MSN: variants seen among roughly 807,000 people sequenced by gnomAD.
The protein encoded by MSN is epididymis luminal protein 70.
In MSN, 2 loss-of-function variants were observed where a neutral mutation model predicts 48.0. The ratio of observed to expected loss-of-function variants is 0.04; its 90% confidence interval spans 0.02 to 0.13. MSN has a LOEUF of 0.13. Ranked by LOEUF, MSN falls within the 10% of genes least tolerant of loss-of-function variation. The pLI is 1.00. For missense variants in MSN, 267 were observed against 470.1 expected, an observed-to-expected ratio of 0.57 and a Z score of 3.99; for synonymous variants, 146 against 166.9, an observed-to-expected ratio of 0.87 and a Z score of 0.97.
rs866624217 is a variant in MSN at position 65,615,192 on chromosome X, T to A, written c.-22+26580T>A. Among the ~76,000 whole-genome samples the A allele has an allele frequency of 2.7e-3, 297 of 110,284 alleles. 2 individuals are homozygous for A. Among genetic ancestry groups the A allele is most frequent in the Middle Eastern group, 0.019 (4 of 216 alleles). ...GTGTGCATGTGTCTTTATAGCAGCA[T>A]GATTTATAGTCCTTTGGGTATATAC... is the stretch of plus-strand genomic sequence containing the variant. On this transcript the variant is annotated intron_variant, in intron 1 of 3. Coordinates refer to the MSN transcript ENST00000609672.
At chrX:65,626,130 A>G (rs1357771553) in intron 1 of MSN, among the ~76,000 whole-genome samples, 2 of 109,438 alleles carry the variant, frequency 1.8e-5, no homozygotes, top group Non-Finnish European at 3.8e-5. Flanking sequence ...AATTTTTTGT[A>G]TTTTTAGTAG....
At position 65,739,053 on chromosome X, in the gene MSN, T is replaced by G. The variant is rs1311460819; in HGVS notation, c.1428T>G (p.Ala476=). 1 of 1,210,328 alleles carries G rather than the reference T, an allele frequency of 8.3e-7. No individual in the cohort carries two copies. The highest frequency in any genetic ancestry group is 1.1e-6 in the Non-Finnish European group (1 of 895,270). ...GTACACCTCATGTGGCAGAGCCTGCTGAGAATGAGCAGGATGAGCAGGATG... is the reference window on the plus strand; with the variant it reads ...GTACACCTCATGTGGCAGAGCCTGCGGAGAATGAGCAGGATGAGCAGGATG... ...AMSTPHVAEP[A]ENEQDEQDEN... The change falls in exon 12 of 13, where the codon GCT becomes GCG. Residue 476 remains alanine (A), a synonymous_variant. Coordinates refer to ENST00000360270, the MANE Select transcript of MSN (RefSeq NM_002444.3).
intron 1 of MSN, among the ~76,000 whole-genome samples, chrX:65,708,543 T>C (rs2071384138): frequency 9.0e-6 from 1 of 111,380 alleles, no homozygotes; most frequent in Non-Finnish European, 1.9e-5. Flanking sequence ...TCCGCCCACA[T>C]TGGCCTCTCA....
chrX:65,704,061 A>G (rs2071337113), intron 1 of MSN, among the ~76,000 whole-genome samples: 1 of 111,793 alleles, frequency 8.9e-6, no homozygotes, highest in African/African-American at 3.3e-5. Context: ...AGCAGAGGGA[A>G]TAGAGCCCTC....
Position 65,739,761 on chromosome X carries a change from T to C in MSN, c.1602T>C (p.Asp534=). ...CTTCGGAGCTGGCCAATGCCAGAGA[T>C]GAGTCCAAGAAGACTGCCAATGACA... ...ALTSELANAR[D]ESKKTANDMI... Residue 534 remains aspartate, a synonymous_variant, in exon 13 of 13, where the codon GAT becomes GAC. Transcript: ENST00000360270. The C allele has an allele frequency of 8.3e-7, 1 of 1,210,466 alleles. No individual in the cohort carries two copies. Among genetic ancestry groups the C allele is most frequent in the Non-Finnish European group, 1.1e-6 (1 of 894,818 alleles).
chrX:65,725,228 C>T (rs2071556650), intron 2 of MSN, among the ~76,000 whole-genome samples: 1 of 111,805 alleles, frequency 8.9e-6, no homozygotes, highest in Admixed American at 9.5e-5. Context: ...GATTCTACCT[C>T]CCAGCACTGC....
intron 1 of MSN, among the ~76,000 whole-genome samples, chrX:65,612,499 A>G (rs1393314878): frequency 2.7e-5 from 3 of 110,229 alleles, no homozygotes; most frequent in Non-Finnish European, 5.7e-5. Context: ...ATCATATATA[A>G]TTTGCAACTA....
intron 1 of MSN, among the ~76,000 whole-genome samples, chrX:65,681,154 TC>T (rs1019366067): frequency 1.4e-4 from 16 of 110,685 alleles, no homozygotes; most frequent in African/African-American, 4.9e-4. Flanking sequence ...CTTCTTCATC[TC>T]CCCCCCACTC....
chrX:65,620,691 T>C (rs2070433332), intron 1 of MSN, among the ~76,000 whole-genome samples: 1 of 112,104 alleles, frequency 8.9e-6, no homozygotes. Context: ...CTCTGGGAGC[T>C]GTAGACCGGA....
chrX:65,600,049 G>T (rs1199940275), intron 1 of MSN, among the ~76,000 whole-genome samples: 1 of 109,172 alleles, frequency 9.2e-6, no homozygotes, highest in Non-Finnish European at 1.9e-5. Flanking sequence ...GTGGGGGTGG[G>T]TATAGATGCA....
chrX:65,729,311 G>A, intron 3 of MSN, 127 bp from the exon 4 acceptor site: 1 of 690,777 alleles, frequency 1.4e-6, no homozygotes, highest in East Asian at 3.3e-5. Flanking sequence ...ATTACCAGGG[G>A]AGTTGCCACC....
chrX:65,721,516 G>A (rs954903447), intron 2 of MSN, among the ~76,000 whole-genome samples: 2 of 98,118 alleles, frequency 2.0e-5, no homozygotes, highest in Admixed American at 9.8e-5. Context: ...GCTCAGTAAA[G>A]TACTTAGGAC....
intron 1 of MSN, among the ~76,000 whole-genome samples, chrX:65,605,738 C>T (rs1247352009): frequency 9.0e-6 from 1 of 111,100 alleles, no homozygotes; most frequent in Non-Finnish European, 1.9e-5. Context: ...GGTATTTGAA[C>T]AGCTCAAACC....
chrX:65,592,526 C>T (rs990671828), intron 1 of MSN, among the ~76,000 whole-genome samples: 27 of 110,390 alleles, frequency 2.4e-4, no homozygotes, highest in African/African-American at 8.9e-4. Flanking sequence ...CTTGCCCACT[C>T]GTCCTCATCT....
At chrX:65,639,467 G>A (rs1010649900) in intron 1 of MSN, among the ~76,000 whole-genome samples, 4 of 112,155 alleles carry the variant, frequency 3.6e-5, no homozygotes, top group Admixed American at 9.5e-5. Flanking sequence ...TTCTAAGGTT[G>A]CAGGGTAAAT....
At chrX:65,626,672 GA>G (rs1282211499) in intron 1 of MSN, among the ~76,000 whole-genome samples, 1 of 110,953 alleles carries the variant, frequency 9.0e-6, no homozygotes, top group Admixed American at 9.7e-5. Flanking sequence ...TCCTCCTGCT[GA>G]AAAACCCCCA....
At chrX:65,692,785 T>G (rs1295779153) in intron 1 of MSN, among the ~76,000 whole-genome samples, 1 of 111,222 alleles carries the variant, frequency 9.0e-6, no homozygotes, top group African/African-American at 3.3e-5. Context: ...GTTCAAGCGA[T>G]TCTCCTGCCT....
chrX:65,699,477 C>T (rs1041893285), intron 1 of MSN, among the ~76,000 whole-genome samples: 22 of 111,930 alleles, frequency 2.0e-4, no homozygotes, highest in Middle Eastern at 4.2e-3. Context: ...AAGCCAGGAG[C>T]GGTGGCTCAC....
At chrX:65,604,879 G>A (rs2070265709) in intron 1 of MSN, among the ~76,000 whole-genome samples, 2 of 111,547 alleles carry the variant, frequency 1.8e-5, no homozygotes, top group African/African-American at 6.5e-5. Context: ...CCTCCTTCCT[G>A]GTCTCCCTGC....
Sources: gnomAD v4.1 joint callset for allele counts (sites outside exome capture counted in the v4.1 genomes callset) on GRCh38, gnomAD v4.1.1 for gene constraint, MANE v1.5 for transcripts, NCBI Gene and HGNC (gene_info 2026-07-23, HGNC 2026-07-21) for gene names.